The following KCNAB1 variants were observed in gnomAD, a reference collection of about 807,000 sequenced individuals.
KCNAB1 encodes voltage-gated potassium channel subunit beta-1.
A neutral mutation model predicts 64.6 loss-of-function variants in KCNAB1; 35 were observed. That is an observed-to-expected ratio of 0.54 (90% CI 0.41 to 0.72). The LOEUF (loss-of-function observed/expected upper bound fraction) is 0.72. KCNAB1 is among the 30% of genes least tolerant of loss of function. The pLI is 0.00. For missense variants in KCNAB1, 401 were observed against 512.9 expected (o/e 0.78, Z 2.11); for synonymous variants, 177 against 183.8 (o/e 0.96, Z 0.30).
At chr3:156,378,989 A>G (rs1385446825) in intron 1 of KCNAB1, among the ~76,000 whole-genome samples, 3 of 152,182 alleles carry the variant, frequency 2.0e-5, no homozygotes, top group African/African-American at 4.8e-5. Context: ...AAAAATCCCC[A>G]GAGCTGTGGG....
intron 1 of KCNAB1, among the ~76,000 whole-genome samples, chr3:156,301,196 A>G (rs997348675): frequency 6.6e-6 from 1 of 151,646 alleles, no homozygotes; most frequent in African/African-American, 2.4e-5. Flanking sequence ...TCTTTAAACT[A>G]GGTTTTTATG....
intron 1 of KCNAB1, among the ~76,000 whole-genome samples, chr3:156,297,134 TC>T (rs1720838357): frequency 1.3e-5 from 2 of 152,206 alleles, no homozygotes. Flanking sequence ...GTTACCCATT[TC>T]TGTCCACATC....
intron 2 of KCNAB1, among the ~76,000 whole-genome samples, chr3:156,437,133 C>T (rs78158336): frequency 0.037 from 5,555 of 152,122 alleles, 339 homozygotes; most frequent in African/African-American, 0.13. Context: ...TAAATGCATG[C>T]AATTTATATA....
intron 1 of KCNAB1, among the ~76,000 whole-genome samples, chr3:156,221,851 C>G (rs1331397078): frequency 1.3e-5 from 2 of 151,488 alleles, no homozygotes; most frequent in African/African-American, 4.8e-5. Context: ...CAATCTTTTC[C>G]AGACAAGCAA....
At chr3:156,352,605 C>T (rs1221255764) in intron 1 of KCNAB1, among the ~76,000 whole-genome samples, 1 of 152,246 alleles carries the variant, frequency 6.6e-6, no homozygotes, top group Non-Finnish European at 1.5e-5. Flanking sequence ...TGGACAGCCC[C>T]TTCAGTTGCT....
At chr3:156,305,075 A>G (rs1329864150) in intron 1 of KCNAB1, among the ~76,000 whole-genome samples, 5 of 152,170 alleles carry the variant, frequency 3.3e-5, no homozygotes, top group South Asian at 2.1e-4. Flanking sequence ...TGTCTTTACT[A>G]CCAGTATCTG....
At chr3:156,279,743 T>C (rs1031041155) in intron 1 of KCNAB1, among the ~76,000 whole-genome samples, 3 of 152,290 alleles carry the variant, frequency 2.0e-5, no homozygotes, top group Non-Finnish European at 2.9e-5. Flanking sequence ...TTTCATTTGT[T>C]TTTTGGCTGC....
At chr3:156,451,164 G>T (rs1047718015) in intron 2 of KCNAB1, among the ~76,000 whole-genome samples, 2 of 152,174 alleles carry the variant, frequency 1.3e-5, no homozygotes, top group African/African-American at 2.4e-5. Context: ...TCTTCTAATT[G>T]TTTAAATGTT....
At chr3:156,409,560 C>T (rs1327444270) in intron 1 of KCNAB1, among the ~76,000 whole-genome samples, 5 of 152,172 alleles carry the variant, frequency 3.3e-5, no homozygotes, top group African/African-American at 1.2e-4. Flanking sequence ...AATCTTTTCA[C>T]CTTTCCTCCC....
At chr3:156,165,237 C>T (rs146068079) in intron 1 of KCNAB1, among the ~76,000 whole-genome samples, 1 of 133,638 alleles carries the variant, frequency 7.5e-6, no homozygotes, top group Non-Finnish European at 1.5e-5. Flanking sequence ...GAGATCCCGC[C>T]ACTGCACTCC....
chr3:156,530,847 C>A (rs925419427), intron 12 of KCNAB1, among the ~76,000 whole-genome samples: 2 of 152,044 alleles, frequency 1.3e-5, no homozygotes, highest in Admixed American at 6.5e-5. Flanking sequence ...ACCATGAATA[C>A]AGTGGAAAGA....
chr3:156,183,217 G>A (rs1712983252), intron 1 of KCNAB1, among the ~76,000 whole-genome samples: 1 of 152,102 alleles, frequency 6.6e-6, no homozygotes, highest in Admixed American at 6.5e-5. Context: ...CCGGGAGGGA[G>A]ACAAGGAAAC....
chr3:156,373,496 G>A (rs1225287292), intron 1 of KCNAB1, among the ~76,000 whole-genome samples: 5 of 152,184 alleles, frequency 3.3e-5, no homozygotes, highest in South Asian at 4.1e-4. Context: ...GAAGAAATGC[G>A]AAATGAAGTT....
intron 1 of KCNAB1, among the ~76,000 whole-genome samples, chr3:156,331,355 G>A (rs1206170736): frequency 6.6e-6 from 1 of 152,184 alleles, no homozygotes; most frequent in African/African-American, 2.4e-5. Context: ...GGTGGTTATT[G>A]TGCAGATCAG....
intron 1 of KCNAB1, among the ~76,000 whole-genome samples, chr3:156,167,525 C>T (rs921032354): frequency 6.6e-6 from 1 of 152,126 alleles, no homozygotes; most frequent in Non-Finnish European, 1.5e-5. Flanking sequence ...TGACCTAAAA[C>T]AAACCCCAAG....
intron 1 of KCNAB1, among the ~76,000 whole-genome samples, chr3:156,299,471 A>G (rs1270418837): frequency 1.3e-5 from 2 of 152,202 alleles, no homozygotes; most frequent in Non-Finnish European, 2.9e-5. Context: ...TCTAAAGCAC[A>G]GGCTTCTCAG....
At chr3:156,433,129 A>G (rs1230925095) in intron 2 of KCNAB1, among the ~76,000 whole-genome samples, 1 of 152,170 alleles carries the variant, frequency 6.6e-6, no homozygotes, top group Non-Finnish European at 1.5e-5. Context: ...GTGCTGGGGA[A>G]ACAGGGAGAA....
rs1553752557 is a variant in KCNAB1, at chr3:156,476,545, ACG to A, written c.658+1727_658+1728del. Reference sequence around the variant, plus strand: ...TATACACACACACACACACACACACACGCACACACACACACATATACACACAC... The same window carrying A: ...TATACACACACACACACACACACACACACACACACACACATATACACACAC... On this transcript the variant is annotated intron_variant, in intron 8 of 13. Transcript: ENST00000490337. Among the ~76,000 whole-genome samples, 294 of 140,992 alleles carry A rather than the reference ACG, an allele frequency of 2.1e-3. 1 individual carries two copies. The highest frequency in any genetic ancestry group is 3.5e-3 in the Middle Eastern group (1 of 282). 92.5% of individuals were successfully genotyped at this position (140,992 alleles called of 152,430 possible).
intron 11 of KCNAB1, 107 bp from the exon 12 acceptor site, chr3:156,523,720 A>G (rs1718107138): frequency 8.8e-7 from 1 of 1,141,894 alleles, no homozygotes; most frequent in South Asian, 1.5e-5. Context: ...ATAAGGGTCA[A>G]AAAATTCAGA....
Sources: gnomAD v4.1 joint callset for allele counts (sites outside exome capture counted in the v4.1 genomes callset) on GRCh38, gnomAD v4.1.1 for gene constraint, MANE v1.5 for transcripts, NCBI Gene and HGNC (gene_info 2026-07-23, HGNC 2026-07-21) for gene names.